Variants in PAX7 observed in about 807,000 individuals in gnomAD.
The protein encoded by PAX7 is paired box 7, also known as paired box protein Pax-7.
A neutral mutation model predicts 50.7 loss-of-function variants in PAX7; 18 were observed. That is an observed-to-expected ratio of 0.36 (90% CI 0.25 to 0.53). The LOEUF (loss-of-function observed/expected upper bound fraction) is 0.53, where lower values mean the gene tolerates loss of function less well. Ranked by LOEUF, PAX7 falls within the 20% of genes least tolerant of loss-of-function variation. The pLI is 0.93. For synonymous variants in PAX7, 310 were observed against 290.4 expected (o/e 1.07, Z -0.69); for missense variants, 644 against 702.9 (o/e 0.92, Z 0.95).
At chr1:18,703,357 C>T (rs1191678977) in intron 7 of PAX7, 61 bp downstream of exon 7, 4 of 1,464,916 alleles carry the variant, frequency 2.7e-6, no homozygotes, top group African/African-American at 1.4e-5. Flanking sequence ...CATCTGCAGA[C>T]AGCACGTGGG....
Position 18,631,531 on chromosome 1 carries a change from C to A in PAX7, c.-73C>A, listed in dbSNP as rs1372465115. 4.9e-6 allele frequency: 6 copies of A among 1,216,874 alleles called. No homozygotes were observed. The highest frequency in any genetic ancestry group is 4.5e-5 in the African/African-American group (3 of 67,128). 75.4% of individuals were successfully genotyped at this position (1,216,874 alleles called of 1,614,324 possible). A position where few individuals can be genotyped will look rare whatever the true frequency, so the allele number is the denominator to read the frequency against. On this transcript the variant is annotated 5_prime_UTR_variant, in exon 1 of 9. Coordinates refer to ENST00000420770, the MANE Select transcript of PAX7 (RefSeq NM_001135254.2). ...ACGAAGAAGACGGAAAGAAAGAGAT[C>A]GCAGCAGGGGTGAAGGGAGCGGACG... is the stretch of plus-strand genomic sequence containing the variant.
At chr1:18,677,584 T>G (rs1343284472) in intron 4 of PAX7, among the ~76,000 whole-genome samples, 1 of 152,112 alleles carries the variant, frequency 6.6e-6, no homozygotes, top group Non-Finnish European at 1.5e-5. Context: ...CTGGGAGGCC[T>G]ATTTGAAGGA....
chr1:18,637,742 C>T (rs951196038), intron 4 of PAX7, among the ~76,000 whole-genome samples: 3 of 152,268 alleles, frequency 2.0e-5, no homozygotes, highest in Non-Finnish European at 4.4e-5. Flanking sequence ...CGGGCAGCCC[C>T]GTGTGACAGC....
chr1:18,736,079 C>A, intron 8 of PAX7: 3 of 944,864 alleles, frequency 3.2e-6, no homozygotes, highest in Non-Finnish European at 4.9e-6. Flanking sequence ...CATCTCCTGG[C>A]TAAGCCTCTG....
chr1:18,650,872 C>A (rs1307271639), intron 4 of PAX7, among the ~76,000 whole-genome samples: 1 of 152,182 alleles, frequency 6.6e-6, no homozygotes, highest in Non-Finnish European at 1.5e-5. Flanking sequence ...AGGGTCCCAT[C>A]TGCCAGGGTA....
At chr1:18,667,307 G>A (rs1445700022) in intron 4 of PAX7, among the ~76,000 whole-genome samples, 1 of 152,002 alleles carries the variant, frequency 6.6e-6, no homozygotes, top group African/African-American at 2.4e-5. Context: ...GTGGGGAGAA[G>A]TTTGTACAGT....
chr1:18,736,049 G>A (rs760022150), intron 8 of PAX7, 171 bp downstream of exon 8: 1 of 1,401,138 alleles, frequency 7.1e-7, no homozygotes, highest in Non-Finnish European at 9.9e-7. Flanking sequence ...AAATGACACT[G>A]AGTTGGGCAA....
intron 4 of PAX7, among the ~76,000 whole-genome samples, chr1:18,638,341 C>A (rs2088195619): frequency 2.6e-5 from 4 of 152,212 alleles, no homozygotes; most frequent in African/African-American, 9.7e-5. Context: ...GGCCTGTGCT[C>A]ACCACACCAG....
intron 7 of PAX7, among the ~76,000 whole-genome samples, chr1:18,734,668 G>C (rs2100403590): frequency 6.6e-6 from 1 of 152,296 alleles, no homozygotes; most frequent in Middle Eastern, 3.4e-3. Context: ...TGATAGATAA[G>C]ATGCCTGTAT....
At chr1:18,693,864 A>G (rs2089112690) in intron 5 of PAX7, among the ~76,000 whole-genome samples, 1 of 152,138 alleles carries the variant, frequency 6.6e-6, no homozygotes, top group Non-Finnish European at 1.5e-5. Context: ...TGGCTGTCAG[A>G]GCAGTGCTTT....
chr1:18,653,468 C>T (rs1234634948), intron 4 of PAX7, among the ~76,000 whole-genome samples: 2 of 151,840 alleles, frequency 1.3e-5, no homozygotes, highest in African/African-American at 4.8e-5. Context: ...GTGTCGCTTT[C>T]GGTTGTTGGT....
intron 4 of PAX7, among the ~76,000 whole-genome samples, chr1:18,647,069 G>C (rs1280978251): frequency 2.6e-5 from 4 of 151,038 alleles, no homozygotes; most frequent in Non-Finnish European, 5.9e-5. Context: ...GGGAAGGGGC[G>C]GGGGACGGAA....
chr1:18,733,804 T>C (rs1160005267), intron 7 of PAX7, among the ~76,000 whole-genome samples: 2 of 152,114 alleles, frequency 1.3e-5, no homozygotes, highest in African/African-American at 4.8e-5. Flanking sequence ...TTCTTGAGAG[T>C]TGAACTTGAC....
At chr1:18,649,112 G>A (rs1170413122) in intron 4 of PAX7, among the ~76,000 whole-genome samples, 1 of 152,140 alleles carries the variant, frequency 6.6e-6, no homozygotes, top group East Asian at 1.9e-4. Context: ...GAGGTCATCT[G>A]GCCATTTTAC....
rs561796195 is a variant in PAX7 at position 18,725,212 on chromosome 1, C to T, written c.1156-10420C>T. Among the ~76,000 whole-genome samples the T allele has an allele frequency of 3.9e-5, 6 of 152,190 alleles. No homozygotes were observed. In the East Asian group the frequency reaches 9.7e-4, roughly 25 times the overall value. ...GTTGTGATATGTGCCAGCTTGTCTG[C>T]CCAGGTACTAACAAGGCCTCCCTGC... On this transcript the variant is annotated intron_variant, in intron 7 of 8. Transcript: ENST00000420770.
chr1:18,700,199 G>A lies in PAX7; in HGVS notation c.787-454G>A, dbSNP rs1249839927. Among the ~76,000 whole-genome samples the A allele has an allele frequency of 1.3e-5, 2 of 152,112 alleles. No homozygotes were observed. The highest frequency in any genetic ancestry group is 6.5e-5 in the Admixed American group (1 of 15,286). ...GAAAGAACCCGGCTTGCACATCTGG[G>A]TCTGAAGTGCAGGTCTCATTCAGGT... On this transcript the variant is annotated intron_variant, in intron 5 of 8. Coordinates refer to ENST00000420770, the MANE Select transcript of PAX7 (RefSeq NM_001135254.2). The surrounding 1 kb of genome is among the most constrained non-coding windows in gnomAD (Gnocchi z 4.8).
chr1:18,735,138 C>T lies in PAX7; in HGVS notation c.1156-494C>T, dbSNP rs1390061475. Among the ~76,000 whole-genome samples the T allele has an allele frequency of 6.6e-6, 1 of 152,080 alleles. No individual in the cohort carries two copies. Among genetic ancestry groups the T allele is most frequent in the East Asian group, 1.9e-4 (1 of 5,184 alleles). ...CCGGAGGAGTGGCAGGCAGAGCAAGCCACACACAGTGACAGCAGACAGATC... is the reference window on the plus strand; with the variant it reads ...CCGGAGGAGTGGCAGGCAGAGCAAGTCACACACAGTGACAGCAGACAGATC... On this transcript the variant is annotated intron_variant, in intron 7 of 8. Coordinates refer to ENST00000420770, the MANE Select transcript of PAX7 (RefSeq NM_001135254.2). The surrounding 1 kb of genome is among the most constrained non-coding windows in gnomAD (Gnocchi z 4.0).
In PAX7 at chr1:18,700,785, G is replaced by A. The variant is rs2089209358; in HGVS notation, c.919G>A (p.Asp307Asn). The change falls in exon 6 of 9, where the codon GAC becomes AAC. Residue 307 changes from aspartate to asparagine, a missense_variant. Physicochemically the swap from Asp to Asn is conservative, Grantham distance 23 (BLOSUM62 1). Transcript: ENST00000420770. This position sits in a 1 kb window ranked among gnomAD's most constrained non-coding sequence, Gnocchi z 4.8. ...MPTLPPYQLP[D>N]STYPTTTISQ... ...CACGCTGCCCCCCTACCAGCTGCCG[G>A]ACTCCACCTACCCCACCACCACCAT... is the stretch of plus-strand genomic sequence containing the variant. 6.4e-7 allele frequency: 1 copy of A among 1,573,720 alleles called. No individual in the cohort carries two copies.
Position 18,635,184 on chromosome 1 carries a change from A to G in PAX7, c.395A>G (p.Glu132Gly). The G allele has an allele frequency of 6.2e-7, 1 of 1,614,048 alleles. No individual in the cohort carries two copies. Among genetic ancestry groups the G allele is most frequent in the Non-Finnish European group, 8.5e-7 (1 of 1,179,976 alleles). The change falls in exon 3 of 9, where the codon GAG becomes GGG. Residue 132 changes from glutamate (E) to glycine (G), a missense_variant. Glu to Gly is a moderately conservative substitution (Grantham distance 98). Transcript: ENST00000420770. Reference sequence around the variant, plus strand: ...GAAAACCCAGGCATGTTCAGCTGGGAGATCCGGGACAGGCTGCTGAAGGAT... The same window carrying G: ...GAAAACCCAGGCATGTTCAGCTGGGGGATCCGGGACAGGCTGCTGAAGGAT... ...KRENPGMFSW[E>G]IRDRLLKDGH...
Sources: gnomAD v4.1 joint callset for allele counts (sites outside exome capture counted in the v4.1 genomes callset) on GRCh38, gnomAD v4.1.1 for gene constraint, Gnocchi (gnomAD v3.1) non-coding constraint, MANE v1.5 for transcripts, NCBI Gene and HGNC (gene_info 2026-07-23, HGNC 2026-07-21) for gene names.